Variants in SLC39A1 observed in about 807,000 individuals in gnomAD.
SLC39A1 encodes solute carrier family 39 member 1, also known as zinc transporter ZIP1.
In SLC39A1, 17 loss-of-function variants were observed where a neutral mutation model predicts 21.4. The ratio of observed to expected loss-of-function variants is 0.79; its 90% confidence interval spans 0.54 to 1.19. The LOEUF (loss-of-function observed/expected upper bound fraction) is 1.19. Among genes scored for constraint, SLC39A1 ranks in the 50% most tolerant of loss-of-function variants. SLC39A1 has a pLI of 0.00. For missense variants in SLC39A1, 343 were observed against 399.8 expected, an observed-to-expected ratio of 0.86 and a Z score of 1.21; for synonymous variants, 183 against 185.9, an observed-to-expected ratio of 0.98 and a Z score of 0.13.
chr1:153,962,511 G>C lies in SLC39A1; in HGVS notation c.187+18C>G, dbSNP rs1425796857. On this transcript the variant is annotated intron_variant, in intron 2 of 3. Coordinates refer to ENST00000356205, the MANE Select transcript of SLC39A1 (RefSeq NM_001271958.2). Reference sequence around the variant, plus strand: ...AAGCCAAGCATTCATAGCAGTGTGGGGAAAAGGAGAGGCTTACCTGAGCCT... The same window carrying C: ...AAGCCAAGCATTCATAGCAGTGTGGCGAAAAGGAGAGGCTTACCTGAGCCT... 3.7e-6 allele frequency: 6 copies of C among 1,605,794 alleles called. No homozygotes were observed. Among genetic ancestry groups the C allele is most frequent in the Non-Finnish European group, 5.1e-6 (6 of 1,175,320 alleles).
intron 3 of SLC39A1, among the ~76,000 whole-genome samples, chr1:153,961,310 A>G (rs1647424546): frequency 6.6e-6 from 1 of 152,104 alleles, no homozygotes; most frequent in African/African-American, 2.4e-5. Flanking sequence ...ACAAACAAAA[A>G]CATTTTGGGC....
At chr1:153,967,445 G>C (rs1647867963), upstream of SLC39A1, 1 of 152,174 alleles carries the variant, frequency 6.6e-6, no homozygotes, top group Admixed American at 6.6e-5. Context: ...ATATTCTGGC[G>C]CTTACCCCTC....
chr1:153,962,135 G>T, intron 3 of SLC39A1, 85 bp downstream of exon 3: 1 of 1,530,938 alleles, frequency 6.5e-7, no homozygotes, highest in Non-Finnish European at 8.8e-7. Context: ...TCATGGAGTG[G>T]CACATGAATC....
rs1680823737 is a variant in SLC39A1 at position 153,959,254 on chromosome 1, CTCGGGTGT to C, written c.*836_*843del. On this transcript the variant is annotated 3_prime_UTR_variant, in exon 4 of 4. Transcript: ENST00000356205. ...GGCATTGCCCTTCCCCCTTGGGCTC[CTCGGGTGT>C]ATTTAAAAAAATGTTTTGGCAGCTC... is the stretch of plus-strand genomic sequence containing the variant. 1 of 398,886 alleles carries C rather than the reference CTCGGGTGT, an allele frequency of 2.5e-6. No homozygotes were observed. The highest frequency in any genetic ancestry group is 4.4e-6 in the Non-Finnish European group (1 of 226,076). 24.7% of individuals were successfully genotyped at this position (398,886 alleles called of 1,614,324 possible).
intron 1 of SLC39A1, 143 bp downstream of exon 1, chr1:153,963,352 T>C (rs1647603465): frequency 6.6e-6 from 1 of 152,186 alleles, no homozygotes; most frequent in Non-Finnish European, 1.5e-5. Context: ...TGCCTGAAAG[T>C]CCGGGCTCCA....
chr1:153,966,963 G>T (rs949660960), upstream of SLC39A1: 8 of 152,144 alleles, frequency 5.3e-5, no homozygotes, highest in Non-Finnish European at 1.0e-4. Flanking sequence ...TTCTAGTCAT[G>T]GATCTGCCTC....
chr1:153,967,435 A>G (rs955399607), upstream of SLC39A1: 1 of 152,130 alleles, frequency 6.6e-6, no homozygotes, highest in Non-Finnish European at 1.5e-5. Flanking sequence ...CCGGCGATTC[A>G]TATTCTGGCG....
Position 153,960,674 on chromosome 1 carries a change from G to A in SLC39A1, c.399C>T (p.Tyr133=), listed in dbSNP as rs562483039. 3.1e-6 allele frequency: 5 copies of A among 1,614,162 alleles called. No homozygotes were observed. The South Asian group carries it at 5.5e-5, about 18-fold the overall frequency. The change falls in exon 4 of 4, where the codon TAC becomes TAT. Residue 133 remains tyrosine (Y), a synonymous_variant. Transcript: ENST00000356205. ...GAGGTGACGGCCCTGACTGCTCCTT[G>A]TAAGCCAGTGTGATCTGCTCCATCA... ...VLVMEQITLA[Y]KEQSGPSPLE... is the part of the protein sequence containing the mutation.
At chr1:153,964,146 G>A (rs1647659580), upstream of SLC39A1, among the ~76,000 whole-genome samples, 1 of 152,286 alleles carries the variant, frequency 6.6e-6, no homozygotes, top group Non-Finnish European at 1.5e-5. Context: ...TTCTCCAGGT[G>A]GGTGGGGACG....
chr1:153,965,545 C>T (rs1057021884), upstream of SLC39A1, among the ~76,000 whole-genome samples: 2 of 152,116 alleles, frequency 1.3e-5, no homozygotes, highest in African/African-American at 2.4e-5. Context: ...AATCTCTTGG[C>T]AACTTTATTT....
Position 153,959,788 on chromosome 1 carries a change from G to A in SLC39A1, c.*310C>T, listed in dbSNP as rs546051587. ...TACCCACCTCCAGCCTCCCATGTGA[G>A]CCTGTCCTTATGTATAGTGTCCAAC... On this transcript the variant is annotated 3_prime_UTR_variant, in exon 4 of 4. Coordinates refer to ENST00000356205, the MANE Select transcript of SLC39A1 (RefSeq NM_001271958.2). The A allele has an allele frequency of 2.8e-6, 1 of 355,188 alleles. No individual in the cohort carries two copies. Among genetic ancestry groups the A allele is most frequent in the African/African-American group, 2.0e-5 (1 of 48,898 alleles). The allele number at this position is 355,188 out of a possible 1,614,324, so 22.0% of individuals were successfully genotyped here. A position where few individuals can be genotyped will look rare whatever the true frequency, so the allele number is the denominator to read the frequency against.
At chr1:153,966,598 T>C (rs1293196993), upstream of SLC39A1, 10 of 151,450 alleles carry the variant, frequency 6.6e-5, no homozygotes, top group Non-Finnish European at 1.3e-4. Flanking sequence ...GCCTCTGCAC[T>C]CCAGCCTGGG....
At chr1:153,962,957 G>A (rs764469323) in intron 1 of SLC39A1, 250 of 420,402 alleles carry the variant, frequency 5.9e-4, no homozygotes, top group Non-Finnish European at 7.8e-4. Context: ...GAGACTGCAC[G>A]GGGGAAACCG....
At chr1:153,966,000 T>C (rs1647759978), upstream of SLC39A1, among the ~76,000 whole-genome samples, 1 of 152,046 alleles carries the variant, frequency 6.6e-6, no homozygotes, top group Non-Finnish European at 1.5e-5. Flanking sequence ...AGCAGATGAC[T>C]GCAGAGGGTC....
chr1:153,960,752 G>T lies in SLC39A1; in HGVS notation c.321C>A (p.Leu107=), dbSNP rs138614781. The T allele has an allele frequency of 1.2e-6, 2 of 1,604,074 alleles. No homozygotes were observed. The highest frequency in any genetic ancestry group is 2.7e-5 in the African/African-American group (2 of 74,942). The change falls in exon 4 of 4, where the codon CTC becomes CTA. Residue 107 remains leucine (L), a splice_region_variant and synonymous_variant. Transcript: ENST00000356205. The stretch of plus-strand genomic sequence containing the variant: ...GGATGAACTCTTGCAGTGGGAACTG[G>T]AGCTGTGGGCAGAAGCAGCAGCAAA... The part of the protein sequence containing the change: ...DEALAALHVT[L]QFPLQEFILA...
At chr1:153,964,032 G>A (rs1439355410), upstream of SLC39A1, among the ~76,000 whole-genome samples, 1 of 152,160 alleles carries the variant, frequency 6.6e-6, no homozygotes, top group East Asian at 1.9e-4. Context: ...CCCACAACAA[G>A]GAAAAAGACA....
Position 153,959,643 on chromosome 1 carries a change from A to G in SLC39A1, c.*455T>C. On this transcript the variant is annotated 3_prime_UTR_variant, in exon 4 of 4. Transcript: ENST00000356205. ...GGAGGAGGGAGATAGGTATGAGGGTAGGCGCTAAGAAGAGTAGGAGGGGTC... is the reference window on the plus strand; with the variant it reads ...GGAGGAGGGAGATAGGTATGAGGGTGGGCGCTAAGAAGAGTAGGAGGGGTC... The G allele has an allele frequency of 4.2e-6, 1 of 240,810 alleles. No individual in the cohort carries two copies. Among genetic ancestry groups the G allele is most frequent in the Non-Finnish European group, 8.0e-6 (1 of 125,524 alleles). The allele number at this position is 240,810 out of a possible 1,614,324, so 14.9% of individuals were successfully genotyped here.
chr1:153,962,496 T>G, intron 2 of SLC39A1, 33 bp downstream of exon 2: 1 of 1,600,952 alleles, frequency 6.2e-7, no homozygotes, highest in Non-Finnish European at 8.5e-7. Flanking sequence ...AAGCCAAGCA[T>G]TCATAGCAGT....
At position 153,962,549 on chromosome 1, in the gene SLC39A1, C is replaced by A; in HGVS notation, c.167G>T (p.Gly56Val). The stretch of plus-strand genomic sequence containing the variant: ...CTTACCTGAGCCTTCATGGTTAGCT[C>A]CTGGCCGGCGCAGCACACAGATGGG... ...LVPICVLRRP[G>V]ANHEGSASRQ... Residue 56 changes from glycine to valine, a missense_variant, in exon 2 of 4, where the codon GGA becomes GTA. Gly to Val is a moderately radical substitution (Grantham distance 109, BLOSUM62 -3). Transcript: ENST00000356205. 4 of 1,613,032 alleles carry A rather than the reference C, an allele frequency of 2.5e-6. No individual in the cohort carries two copies. Among genetic ancestry groups the A allele is most frequent in the Non-Finnish European group, 3.4e-6 (4 of 1,179,692 alleles).
Sources: allele counts gnomAD v4.1 joint callset (sites outside exome capture counted in the v4.1 genomes callset), GRCh38; gene constraint gnomAD v4.1.1; transcripts MANE v1.5; gene names NCBI Gene and HGNC (gene_info 2026-07-23, HGNC 2026-07-21).